The following EVI5 variants were observed in gnomAD, a reference collection of about 807,000 sequenced individuals.
EVI5 encodes ecotropic viral integration site 5 protein homolog.
Under a neutral mutation model 112.0 loss-of-function variants are expected in EVI5, and 73 were observed. The ratio of observed to expected loss-of-function variants is 0.65; its 90% CI spans 0.54 to 0.79. The LOEUF (loss-of-function observed/expected upper bound fraction) is 0.79, where lower values mean the gene tolerates loss of function less well. EVI5 is among the 30% of genes least tolerant of loss of function. The pLI, the probability that EVI5 is intolerant of heterozygous loss-of-function variation, is 0.00. For synonymous variants in EVI5, 305 were observed against 319.9 expected (o/e 0.95, Z 0.50); for missense variants, 900 against 968.8 (o/e 0.93, Z 0.94).
upstream of EVI5, among the ~76,000 whole-genome samples, chr1:92,787,105 G>A (rs141031365): frequency 2.7e-3 from 411 of 152,258 alleles, 1 homozygote; most frequent in Non-Finnish European, 4.6e-3. Context: ...AGCTCCTTAA[G>A]TCCAGGATTT....
intron 14 of EVI5, among the ~76,000 whole-genome samples, chr1:92,630,076 A>T (rs961243780): frequency 1.1e-4 from 16 of 152,212 alleles, no homozygotes; most frequent in African/African-American, 3.6e-4. Flanking sequence ...ATTGTTGGAC[A>T]TTTGGATTGG....
intron 2 of EVI5, among the ~76,000 whole-genome samples, chr1:92,718,974 C>T (rs1221942099): frequency 6.6e-6 from 1 of 152,124 alleles, no homozygotes; most frequent in Non-Finnish European, 1.5e-5. Flanking sequence ...TGGACACATA[C>T]ACCTTCCCAA....
At chr1:92,550,813 T>TATATATATATATATAA (rs1346523555) in intron 19 of EVI5, among the ~76,000 whole-genome samples, 3 of 80,140 alleles carry the variant, frequency 3.7e-5, no homozygotes, top group East Asian at 3.4e-4. Flanking sequence ...TATATATATA[T>TATATATATATATATAA]AACAAAAAAA....
chr1:92,620,024 G>T (rs542637559), intron 16 of EVI5, among the ~76,000 whole-genome samples: 252 of 152,206 alleles, frequency 1.7e-3, no homozygotes, highest in South Asian at 5.0e-3. Context: ...CCTCAAGAAG[G>T]GAGCATGAGA....
intron 19 of EVI5, among the ~76,000 whole-genome samples, chr1:92,560,777 C>T (rs1400018459): frequency 6.6e-6 from 1 of 151,782 alleles, no homozygotes; most frequent in Non-Finnish European, 1.5e-5. Flanking sequence ...ATTGCTCGGG[C>T]TGGTCTCGAA....
At chr1:92,546,247 T>A (rs1665676000) in intron 19 of EVI5, among the ~76,000 whole-genome samples, 1 of 152,136 alleles carries the variant, frequency 6.6e-6, no homozygotes, top group Non-Finnish European at 1.5e-5. Flanking sequence ...TGAATTGGCA[T>A]CCTAAGGTCA....
At chr1:92,667,142 G>T (rs565495223) in intron 10 of EVI5, among the ~76,000 whole-genome samples, 1 of 152,250 alleles carries the variant, frequency 6.6e-6, no homozygotes, top group East Asian at 1.9e-4. Context: ...AAAATTAGCT[G>T]GGCGTAGTGG....
chr1:92,698,868 A>C (rs1433540848), intron 5 of EVI5, among the ~76,000 whole-genome samples: 1 of 152,214 alleles, frequency 6.6e-6, no homozygotes, highest in Non-Finnish European at 1.5e-5. Context: ...ATCACTAGGA[A>C]ATCATATCAA....
In EVI5 at chr1:92,736,455, G is replaced by A. The variant is rs368752577; in HGVS notation, c.92C>T (p.Pro31Leu). 4 of 1,613,856 alleles carry A rather than the reference G, an allele frequency of 2.5e-6. No homozygotes were observed. In the African/African-American group the frequency reaches 4.0e-5, roughly 16 times the overall value. ...LSTPALSPSS[P>L]SQLSPDDLEL... is the part of the protein sequence containing the mutation. ...TAAGTCGTCTGGACTCAACTGTGAT[G>A]GGGAAGATGGTGAAAGGGCTGGTGT... The change falls in exon 2 of 20, where the codon CCA (proline) becomes CTA (leucine). Residue 31 changes from proline to leucine, a missense_variant. Coordinates refer to ENST00000684568, the MANE Select transcript of EVI5 (RefSeq NM_001350197.2).
intron 19 of EVI5, among the ~76,000 whole-genome samples, chr1:92,534,379 C>G (rs552754314): frequency 1.3e-5 from 2 of 152,292 alleles, no homozygotes; most frequent in South Asian, 4.1e-4. Flanking sequence ...AGATTCAATG[C>G]TATCCCCATC....
At chr1:92,557,649 T>C (rs959149117) in intron 19 of EVI5, among the ~76,000 whole-genome samples, 1 of 152,118 alleles carries the variant, frequency 6.6e-6, no homozygotes, top group South Asian at 2.1e-4. Context: ...TATTTAGAGA[T>C]AGAACATTTC....
rs1659295394 is a variant in EVI5, at chr1:92,513,146, T to C, written c.*510A>G. ...CTGGGTGACAGACTGAATCTCTGTCTTAAAAAAAAAAACAACAATAAAAAA... is the reference window on the plus strand; with the variant it reads ...CTGGGTGACAGACTGAATCTCTGTCCTAAAAAAAAAAACAACAATAAAAAA... On this transcript the variant is annotated 3_prime_UTR_variant, in exon 20 of 20. Transcript: ENST00000684568. 7.9e-6 allele frequency: 1 copy of C among 127,194 alleles called. No homozygotes were observed. Among genetic ancestry groups the C allele is most frequent in the African/African-American group, 2.7e-5 (1 of 36,748 alleles). 7.9% of individuals were successfully genotyped at this position (127,194 alleles called of 1,614,324 possible). A position where few individuals can be genotyped will look rare whatever the true frequency, so the allele number is the denominator to read the frequency against.
chr1:92,561,723 C>T (rs1009630440), intron 19 of EVI5, among the ~76,000 whole-genome samples: 4 of 151,872 alleles, frequency 2.6e-5, no homozygotes, highest in Admixed American at 6.6e-5. Flanking sequence ...CTGCAACCTC[C>T]GCCTCACAGG....
intron 2 of EVI5, among the ~76,000 whole-genome samples, chr1:92,722,648 A>G (rs1674946446): frequency 6.6e-6 from 1 of 151,844 alleles, no homozygotes; most frequent in South Asian, 2.1e-4. Context: ...CTGAGAACCT[A>G]TTTGCTCATA....
At chr1:92,640,037 T>C (rs1659634841) in intron 13 of EVI5, among the ~76,000 whole-genome samples, 1 of 152,184 alleles carries the variant, frequency 6.6e-6, no homozygotes, top group Admixed American at 6.5e-5. Flanking sequence ...CAATAAATGG[T>C]GCTTGGAAAA....
intron 13 of EVI5, among the ~76,000 whole-genome samples, chr1:92,659,014 A>G (rs554611816): frequency 1.3e-5 from 2 of 152,284 alleles, no homozygotes; most frequent in African/African-American, 4.8e-5. Flanking sequence ...GTGCTGGGAA[A>G]ATTAGCCATA....
chr1:92,707,393 A>AG (rs1441029509), intron 2 of EVI5, among the ~76,000 whole-genome samples: 1 of 152,088 alleles, frequency 6.6e-6, no homozygotes, highest in Non-Finnish European at 1.5e-5. Context: ...GAAAAAAAAA[A>AG]GTCTAAACAC....
intron 13 of EVI5, among the ~76,000 whole-genome samples, chr1:92,661,212 A>T (rs1663946923): frequency 6.6e-6 from 1 of 152,106 alleles, no homozygotes; most frequent in South Asian, 2.1e-4. Context: ...ATACAAATTT[A>T]AAACCCTTAT....
At chr1:92,681,884 T>C (rs1667646977) in intron 9 of EVI5, among the ~76,000 whole-genome samples, 1 of 152,302 alleles carries the variant, frequency 6.6e-6, no homozygotes, top group South Asian at 2.1e-4. Flanking sequence ...GTAGATGGCA[T>C]TGCTCTAAAT....
Sources: allele counts gnomAD v4.1 joint callset (sites outside exome capture counted in the v4.1 genomes callset), GRCh38; gene constraint gnomAD v4.1.1; transcripts MANE v1.5; gene names NCBI Gene and HGNC (gene_info 2026-07-23, HGNC 2026-07-21).